The following CHD9 variants were observed in gnomAD, a reference collection of about 807,000 sequenced individuals.
The protein encoded by CHD9 is ATP-dependent chromatin remodeler CHD9.
Under a neutral mutation model 316.1 loss-of-function variants are expected in CHD9, and 77 were observed. The observed-to-expected ratio is 0.24, with a 90% CI of 0.20 to 0.29. The LOEUF is 0.29. Among genes scored for constraint, CHD9 ranks in the 10% least tolerant of loss-of-function variants. The pLI is 1.00. For synonymous variants in CHD9, 1,129 were observed against 1,158.3 expected, an observed-to-expected ratio of 0.97 and a Z score of 0.51; for missense variants, 2,763 against 3,438.1, an observed-to-expected ratio of 0.80 and a Z score of 4.91.
intron 1 of CHD9, among the ~76,000 whole-genome samples, chr16:53,056,367 A>G (rs1416075811): frequency 6.6e-6 from 1 of 152,162 alleles, no homozygotes; most frequent in Non-Finnish European, 1.5e-5. Context: ...AATAAAAGCT[A>G]CTGTTTACTA....
intron 19 of CHD9, among the ~76,000 whole-genome samples, chr16:53,260,009 C>T (rs2050946194): frequency 6.6e-6 from 1 of 152,158 alleles, no homozygotes; most frequent in Non-Finnish European, 1.5e-5. Flanking sequence ...CATATATCCT[C>T]AGTTGTGAAA....
intron 2 of CHD9, among the ~76,000 whole-genome samples, chr16:53,170,153 T>A (rs1232254008): frequency 2.0e-5 from 3 of 152,046 alleles, no homozygotes; most frequent in African/African-American, 7.2e-5. Context: ...TGGTGATGCT[T>A]GATTTTCTCA....
chr16:53,202,111 C>A (rs2045510011), intron 2 of CHD9, among the ~76,000 whole-genome samples: 1 of 152,114 alleles, frequency 6.6e-6, no homozygotes, highest in Non-Finnish European at 1.5e-5. Context: ...ATCCTCCTGC[C>A]TTGGCCTCCC....
chr16:53,140,220 G>C (rs917850368), intron 1 of CHD9, among the ~76,000 whole-genome samples: 1 of 151,950 alleles, frequency 6.6e-6, no homozygotes, highest in Admixed American at 6.6e-5. Context: ...ACTTTGGGAG[G>C]CCGAGGTGGG....
intron 1 of CHD9, among the ~76,000 whole-genome samples, chr16:53,072,498 C>T (rs1054269377): frequency 6.7e-6 from 1 of 148,956 alleles, no homozygotes; most frequent in African/African-American, 2.5e-5. Flanking sequence ...AACTCCTGGG[C>T]TCAAGCGACC....
chr16:53,319,850 C>A, intron 37 of CHD9: 1 of 1,254,374 alleles, frequency 8.0e-7, no homozygotes, highest in Non-Finnish European at 1.0e-6. Context: ...AAAGAATCTA[C>A]CTGCTAAATC....
intron 2 of CHD9, among the ~76,000 whole-genome samples, chr16:53,174,913 C>A (rs142748030): frequency 6.6e-6 from 1 of 152,196 alleles, no homozygotes; most frequent in African/African-American, 2.4e-5. Context: ...TTTTGTATTC[C>A]TCTAAATATT....
intron 2 of CHD9, among the ~76,000 whole-genome samples, chr16:53,158,636 T>A (rs1368167975): frequency 6.6e-6 from 1 of 152,202 alleles, no homozygotes; most frequent in African/African-American, 2.4e-5. Flanking sequence ...TTTTTTTGTT[T>A]TTTTTTAATT....
At chr16:53,208,473 TTGTTGCTGTTTCCTC>T (rs2046063510) in intron 2 of CHD9, 1 of 1,157,952 alleles carries the variant, frequency 8.6e-7, no homozygotes, top group Admixed American at 3.9e-5. Flanking sequence ...CATCTTGAGC[TTGTTGCTGTTTCCTC>T]GAGTCTTGGT....
At chr16:53,122,807 T>C (rs146386918) in intron 1 of CHD9, among the ~76,000 whole-genome samples, 7,648 of 151,936 alleles carry the variant, frequency 0.05, 603 homozygotes, top group African/African-American at 0.17. Flanking sequence ...CCTGGGTTCA[T>C]GCCATTCTCC....
chr16:53,195,467 T>A (rs1016348080), intron 2 of CHD9, among the ~76,000 whole-genome samples: 7 of 152,154 alleles, frequency 4.6e-5, no homozygotes, highest in African/African-American at 1.7e-4. Context: ...ACAGCTTAGA[T>A]GGGTTCTTTT....
At chr16:53,174,892 G>A (rs2042999490) in intron 2 of CHD9, among the ~76,000 whole-genome samples, 1 of 152,190 alleles carries the variant, frequency 6.6e-6, no homozygotes, top group African/African-American at 2.4e-5. Flanking sequence ...ACCTTCTTGA[G>A]TAATGGGAAA....
intron 2 of CHD9, among the ~76,000 whole-genome samples, chr16:53,183,856 CCAA>C (rs1192923106): frequency 6.6e-6 from 1 of 152,212 alleles, no homozygotes; most frequent in Non-Finnish European, 1.5e-5. Context: ...GTTAATCTTT[CCAA>C]ACTTTAGTGT....
chr16:53,261,631 C>T (rs2051139833), intron 19 of CHD9, among the ~76,000 whole-genome samples: 1 of 151,994 alleles, frequency 6.6e-6, no homozygotes, highest in African/African-American at 2.4e-5. Flanking sequence ...CCTGCCTTGG[C>T]CTCCCAGAGT....
chr16:53,262,905 T>C, intron 19 of CHD9, 82 bp from the exon 20 acceptor site: 1 of 1,115,934 alleles, frequency 9.0e-7, no homozygotes, highest in Non-Finnish European at 1.4e-6. Flanking sequence ...ATTCAAATTC[T>C]ATCCATAGTA....
At chr16:53,091,713 G>T (rs1368178812) in intron 1 of CHD9, among the ~76,000 whole-genome samples, 1 of 152,182 alleles carries the variant, frequency 6.6e-6, no homozygotes, top group Non-Finnish European at 1.5e-5. Flanking sequence ...ATAAGTGGAG[G>T]ATAAAGGAGC....
intron 24 of CHD9, among the ~76,000 whole-genome samples, chr16:53,283,775 A>G (rs759098065): frequency 2.0e-5 from 3 of 152,134 alleles, no homozygotes; most frequent in East Asian, 1.9e-4. Context: ...AAAAATGTCA[A>G]TTGTGACCCT....
chr16:53,209,410 T>C, intron 2 of CHD9, 72 bp from the exon 3 acceptor site: 3 of 1,055,316 alleles, frequency 2.8e-6, no homozygotes, highest in Non-Finnish European at 4.0e-6. Context: ...AATTTAAGAT[T>C]TTCAGATATT....
intron 2 of CHD9, among the ~76,000 whole-genome samples, chr16:53,161,215 T>C (rs1234476045): frequency 1.3e-5 from 2 of 152,198 alleles, no homozygotes; most frequent in Non-Finnish European, 2.9e-5. Context: ...TAGAGAGGAT[T>C]ATTATGATTA....
Sources: allele counts gnomAD v4.1 joint callset (sites outside exome capture counted in the v4.1 genomes callset), GRCh38; gene constraint gnomAD v4.1.1; transcripts MANE v1.5; gene names NCBI Gene and HGNC (gene_info 2026-07-23, HGNC 2026-07-21).